Variants in CRISPLD2 observed in about 807,000 individuals in gnomAD.
CRISPLD2 encodes cysteine-rich secretory protein LCCL domain-containing 2.
Under a neutral mutation model 71.1 loss-of-function variants are expected in CRISPLD2, and 47 were observed. The observed-to-expected ratio is 0.66, with a 90% CI of 0.52 to 0.84. CRISPLD2 has a LOEUF of 0.84. Among genes scored for constraint, CRISPLD2 ranks in the 40% least tolerant of loss-of-function variants. The pLI is 0.00. For synonymous variants in CRISPLD2, 317 were observed against 250.1 expected, an observed-to-expected ratio of 1.27 and a Z score of -2.52; for missense variants, 830 against 651.1, an observed-to-expected ratio of 1.27 and a Z score of -2.99.
At chr16:84,889,639 T>C (rs2143346205) in intron 14 of CRISPLD2, among the ~76,000 whole-genome samples, 1 of 152,146 alleles carries the variant, frequency 6.6e-6, no homozygotes, top group East Asian at 1.9e-4. Flanking sequence ...GTAGAAAATT[T>C]ATAATCTGTA....
At chr16:84,853,009 G>T (rs1917131394) in intron 5 of CRISPLD2, among the ~76,000 whole-genome samples, 1 of 152,184 alleles carries the variant, frequency 6.6e-6, no homozygotes, top group Non-Finnish European at 1.5e-5. Context: ...TGAGGCTGCA[G>T]TGAGCTGTGG....
At chr16:84,901,787 C>CT (rs760025598) in intron 14 of CRISPLD2, among the ~76,000 whole-genome samples, 1,217 of 87,802 alleles carry the variant, frequency 0.014, 29 homozygotes, top group African/African-American at 0.024. Flanking sequence ...ACTGGTTGCA[C>CT]TTTTTTTTTT....
chr16:84,867,057 C>A lies in CRISPLD2; in HGVS notation c.853+17C>A, dbSNP rs144810000. The A allele has an allele frequency of 6.2e-7, 1 of 1,607,760 alleles. No homozygotes were observed. The highest frequency in any genetic ancestry group is 8.5e-7 in the Non-Finnish European group (1 of 1,174,780). On this transcript the variant is annotated intron_variant, in intron 7 of 14. Transcript: ENST00000262424. ...ACTACATGAGTGAGTCTAGGCCGTC[C>A]TCCGCCCCTCCTGCCCTCCCAGCCA...
intron 13 of CRISPLD2, among the ~76,000 whole-genome samples, chr16:84,887,428 C>T (rs1358685252): frequency 1.3e-5 from 2 of 152,210 alleles, no homozygotes; most frequent in African/African-American, 2.4e-5. Context: ...GACCGGAGTC[C>T]GTCTTCGTGC....
Position 84,824,996 on chromosome 16 carries a change from C to T in CRISPLD2, c.-75+4863C>T, listed in dbSNP as rs532190745. ...GCAGGCACCTGTAGTCCCAGCTACT[C>T]GGGAGGCTGAGACAGAAGAATTGCT... is the stretch of plus-strand genomic sequence containing the variant. On this transcript the variant is annotated intron_variant, in intron 1 of 14. Coordinates refer to ENST00000262424, the MANE Select transcript of CRISPLD2 (RefSeq NM_031476.4). Among the ~76,000 whole-genome samples, 67 of 152,036 alleles carry T rather than the reference C, an allele frequency of 4.4e-4. 1 individual carries two copies. The highest frequency in any genetic ancestry group is 8.2e-4 in the Non-Finnish European group (56 of 67,974).
intron 4 of CRISPLD2, among the ~76,000 whole-genome samples, 183 bp from the exon 5 acceptor site, chr16:84,850,385 G>A (rs1201292515): frequency 6.6e-6 from 1 of 152,148 alleles, no homozygotes; most frequent in Admixed American, 6.5e-5. Context: ...CACCGCACCG[G>A]CCCACTTGCT....
chr16:84,847,775 C>T (rs772996647), intron 3 of CRISPLD2, among the ~76,000 whole-genome samples: 63 of 152,236 alleles, frequency 4.1e-4, no homozygotes, highest in Admixed American at 1.2e-3. Flanking sequence ...CCTGGCTGGG[C>T]GCCGACGTAG....
intron 8 of CRISPLD2, among the ~76,000 whole-genome samples, chr16:84,870,389 G>C (rs7193373): frequency 6.6e-6 from 1 of 151,102 alleles, no homozygotes; most frequent in Non-Finnish European, 1.5e-5. Context: ...GCATGATCTC[G>C]GCTCACTGCC....
At chr16:84,880,712 T>A in intron 13 of CRISPLD2, 128 bp downstream of exon 13, 1 of 598,300 alleles carries the variant, frequency 1.7e-6, no homozygotes, top group Non-Finnish European at 2.9e-6. Context: ...AATTAATTAA[T>A]TAATTAATTT....
chr16:84,880,654 A>G (rs778404177), intron 13 of CRISPLD2, 70 bp downstream of exon 13: 5 of 1,155,082 alleles, frequency 4.3e-6, no homozygotes, highest in Admixed American at 1.8e-5. Flanking sequence ...AAGCTCCAAG[A>G]TCTGGATACT....
At chr16:84,891,067 G>A (rs941072782) in intron 14 of CRISPLD2, among the ~76,000 whole-genome samples, 2 of 152,132 alleles carry the variant, frequency 1.3e-5, no homozygotes, top group Non-Finnish European at 2.9e-5. Context: ...GCACTCGGCC[G>A]CCATGATTAT....
rs186490892 is a variant in CRISPLD2 at position 84,821,572 on chromosome 16, C to G, written c.-75+1439C>G. The stretch of plus-strand genomic sequence containing the variant: ...CACCCCCAGGTGGGTCCTATCTGCA[C>G]TCTTGACCCTGCTTTCTTTAAGACA... On this transcript the variant is annotated intron_variant, in intron 1 of 14. Coordinates refer to ENST00000262424, the MANE Select transcript of CRISPLD2 (RefSeq NM_031476.4). Among the ~76,000 whole-genome samples, 4 of 152,312 alleles carry G rather than the reference C, an allele frequency of 2.6e-5. No homozygotes were observed. The East Asian group carries it at 7.7e-4, about 29-fold the overall frequency.
intron 9 of CRISPLD2, 129 bp from the exon 10 acceptor site, chr16:84,872,863 G>C (rs530342677): frequency 2.5e-6 from 3 of 1,180,262 alleles, no homozygotes; most frequent in Non-Finnish European, 3.6e-6. Flanking sequence ...CGAGAGGCAG[G>C]AGCAGAGTGA....
chr16:84,907,617 C>T lies in CRISPLD2; in HGVS notation c.*975C>T, dbSNP rs575998936. The T allele has an allele frequency of 6.6e-6, 1 of 152,336 alleles. No individual in the cohort carries two copies. Among genetic ancestry groups the T allele is most frequent in the South Asian group, 2.1e-4 (1 of 4,818 alleles). The allele number at this position is 152,336 out of a possible 1,614,324, so 9.4% of individuals were successfully genotyped here. A position where few individuals can be genotyped will look rare whatever the true frequency, so the allele number is the denominator to read the frequency against. On this transcript the variant is annotated 3_prime_UTR_variant, in exon 15 of 15. Coordinates refer to ENST00000262424, the MANE Select transcript of CRISPLD2 (RefSeq NM_031476.4). ...TGAGAACAACCAAAGAAGGCCTGCTCTTTGCTGCTTTTAAAAAATGACAAT... is the reference window on the plus strand; with the variant it reads ...TGAGAACAACCAAAGAAGGCCTGCTTTTTGCTGCTTTTAAAAAATGACAAT...
At chr16:84,892,433 G>A (rs2071671019) in intron 14 of CRISPLD2, among the ~76,000 whole-genome samples, 1 of 152,180 alleles carries the variant, frequency 6.6e-6, no homozygotes, top group African/African-American at 2.4e-5. Context: ...TGCAGAGCCT[G>A]TTAGATGTGG....
At chr16:84,838,994 T>A (rs774287379) in intron 2 of CRISPLD2, 1 of 603,578 alleles carries the variant, frequency 1.7e-6, no homozygotes, top group South Asian at 1.6e-5. Flanking sequence ...GGTTAAGCGA[T>A]CCTGCTTCAG....
intron 5 of CRISPLD2, among the ~76,000 whole-genome samples, chr16:84,853,533 G>C (rs1028118000): frequency 2.0e-5 from 3 of 152,180 alleles, no homozygotes; most frequent in African/African-American, 7.2e-5. Context: ...TCCCTCCCCT[G>C]CCCACAGGCC....
intron 1 of CRISPLD2, among the ~76,000 whole-genome samples, chr16:84,825,175 A>T (rs11149689): frequency 6.6e-6 from 1 of 151,690 alleles, no homozygotes; most frequent in Non-Finnish European, 1.5e-5. Context: ...GGGAAGGGGG[A>T]TATTCAAAGG....
intron 13 of CRISPLD2, among the ~76,000 whole-genome samples, chr16:84,884,290 C>A (rs139819617): frequency 6.6e-6 from 1 of 151,896 alleles, no homozygotes; most frequent in African/African-American, 2.4e-5. Context: ...GCCCCCCTGC[C>A]CCTCAGTCAC....
Sources: allele counts gnomAD v4.1 joint callset (sites outside exome capture counted in the v4.1 genomes callset), GRCh38; gene constraint gnomAD v4.1.1; transcripts MANE v1.5; gene names NCBI Gene and HGNC (gene_info 2026-07-23, HGNC 2026-07-21).